The following CPM variants were observed in gnomAD, a reference collection of about 807,000 sequenced individuals.
CPM encodes carboxypeptidase M.
In CPM, 35 loss-of-function variants were observed where a neutral mutation model predicts 46.4. The ratio of observed to expected loss-of-function variants is 0.75; its 90% confidence interval spans 0.58 to 1.00. CPM has a LOEUF of 1.00. Ranked by LOEUF, CPM falls within the 50% of genes least tolerant of loss-of-function variation. The probability of loss-of-function intolerance (pLI) is 0.00; values close to 1 mark genes in which losing one functional copy is unlikely to be tolerated. For missense variants in CPM, 422 were observed against 530.4 expected (o/e 0.80, Z 2.01); for synonymous variants, 195 against 195.3 (o/e 1.00, Z 0.01).
chr12:68,910,778 A>C (rs1887563041), intron 2 of CPM, among the ~76,000 whole-genome samples: 1 of 152,172 alleles, frequency 6.6e-6, no homozygotes. Context: ...CTACAAATAC[A>C]ATGCTGTATA....
At chr12:68,914,197 G>A (rs756035210) in intron 2 of CPM, among the ~76,000 whole-genome samples, 13 of 152,310 alleles carry the variant, frequency 8.5e-5, no homozygotes, top group Middle Eastern at 3.4e-3. Flanking sequence ...TTCAAAGTGG[G>A]ATAGCTAGTG....
At chr12:68,893,069 G>C (rs1227692354) in intron 2 of CPM, among the ~76,000 whole-genome samples, 4 of 149,854 alleles carry the variant, frequency 2.7e-5, no homozygotes, top group Non-Finnish European at 5.9e-5. Flanking sequence ...AACCACCATG[G>C]CACATGTATA....
At chr12:68,926,186 G>T (rs998643480) in intron 2 of CPM, among the ~76,000 whole-genome samples, 3 of 152,094 alleles carry the variant, frequency 2.0e-5, no homozygotes, top group African/African-American at 7.2e-5. Context: ...CCAAAGTGCT[G>T]GGATTACAGG....
chr12:68,927,825 C>T (rs1306574957), intron 2 of CPM, among the ~76,000 whole-genome samples: 2 of 152,048 alleles, frequency 1.3e-5, no homozygotes, highest in Non-Finnish European at 2.9e-5. Flanking sequence ...ACATGAAGGG[C>T]CTCTTCAAGG....
chr12:68,944,841 C>T (rs757068479), intron 1 of CPM, among the ~76,000 whole-genome samples: 1 of 151,610 alleles, frequency 6.6e-6, no homozygotes, highest in Non-Finnish European at 1.5e-5. Context: ...GTTTGGTGGG[C>T]GGGGACTAGG....
At chr12:68,919,818 C>T (rs778336602) in intron 2 of CPM, among the ~76,000 whole-genome samples, 10 of 152,220 alleles carry the variant, frequency 6.6e-5, no homozygotes, top group Admixed American at 2.0e-4. Flanking sequence ...GAAAAAATTA[C>T]GTGTCTGCCC....
intron 2 of CPM, among the ~76,000 whole-genome samples, chr12:68,917,729 A>G (rs1484100081): frequency 1.3e-5 from 2 of 152,204 alleles, no homozygotes; most frequent in Non-Finnish European, 2.9e-5. Context: ...TAAAGTTGAC[A>G]TGAAGATTCC....
At chr12:68,908,744 C>G (rs1887456455) in intron 2 of CPM, among the ~76,000 whole-genome samples, 1 of 151,568 alleles carries the variant, frequency 6.6e-6, no homozygotes, top group Non-Finnish European at 1.5e-5. Flanking sequence ...AGGCATGGAA[C>G]ATAAAAGCAT....
chr12:68,921,882 T>C (rs913981541), intron 2 of CPM, among the ~76,000 whole-genome samples: 2 of 152,180 alleles, frequency 1.3e-5, no homozygotes, highest in African/African-American at 4.8e-5. Context: ...AAAATGTACA[T>C]CCTATATACT....
At chr12:68,914,082 G>C (rs1294198952) in intron 2 of CPM, 3 of 595,504 alleles carry the variant, frequency 5.0e-6, no homozygotes, top group African/African-American at 3.7e-5. Flanking sequence ...TGGAATCTGG[G>C]TAATTACAAA....
At chr12:68,851,170 C>T (rs1299687360), downstream of CPM, 1 of 152,418 alleles carries the variant, frequency 6.6e-6, no homozygotes, top group East Asian at 1.9e-4. Context: ...GGGAAAAAAG[C>T]ATTATTTATA....
chr12:68,960,581 A>G (rs1164286201), intron 1 of CPM, among the ~76,000 whole-genome samples: 1 of 152,244 alleles, frequency 6.6e-6, no homozygotes, highest in Non-Finnish European at 1.5e-5. Flanking sequence ...TGCTGAGCCT[A>G]GAACATCATA....
At chr12:68,869,263 A>C (rs1885585752) in intron 6 of CPM, 62 bp downstream of exon 6, 1 of 1,525,246 alleles carries the variant, frequency 6.6e-7, no homozygotes, top group Admixed American at 2.0e-5. Flanking sequence ...GATCAAAATA[A>C]ACCAGCTGGC....
At chr12:68,928,499 C>A (rs534007494) in intron 2 of CPM, among the ~76,000 whole-genome samples, 1 of 152,174 alleles carries the variant, frequency 6.6e-6, no homozygotes, top group Non-Finnish European at 1.5e-5. Context: ...AGTTAATTAA[C>A]CTCTCTGTGC....
At chr12:68,937,845 C>T (rs1234084850), upstream of CPM, among the ~76,000 whole-genome samples, 1 of 152,110 alleles carries the variant, frequency 6.6e-6, no homozygotes, top group Admixed American at 6.5e-5. Flanking sequence ...ACAATGAAGG[C>T]ATTTTAATTT....
chr12:68,856,812 C>T (rs923387953), intron 8 of CPM, 133 bp from the exon 9 acceptor site: 2 of 1,202,244 alleles, frequency 1.7e-6, no homozygotes, highest in Non-Finnish European at 2.3e-6. Flanking sequence ...ACCTCTGGGC[C>T]AGCAACAGAT....
chr12:68,850,495 T>A (rs1025330489), downstream of CPM: 5 of 152,180 alleles, frequency 3.3e-5, no homozygotes, highest in African/African-American at 7.2e-5. Flanking sequence ...TTTAAACTAT[T>A]ATTTGTTTAG....
chr12:68,850,561 C>T (rs1241349861), downstream of CPM: 1 of 152,132 alleles, frequency 6.6e-6, no homozygotes, highest in African/African-American at 2.4e-5. Flanking sequence ...ATGACTAAGT[C>T]GATATTAGCA....
At position 68,853,400 on chromosome 12, in the gene CPM, T is replaced by G. The variant is rs538914320; in HGVS notation, c.*3037A>C. 5 of 152,084 alleles carry G rather than the reference T, an allele frequency of 3.3e-5. No individual in the cohort carries two copies. Among genetic ancestry groups the G allele is most frequent in the Non-Finnish European group, 5.9e-5 (4 of 67,962 alleles). The allele number at this position is 152,084 out of a possible 1,614,324, so 9.4% of individuals were successfully genotyped here. On this transcript the variant is annotated 3_prime_UTR_variant, in exon 9 of 9. Transcript: ENST00000551568. ...ATCAAGATATTCAGATTATTATGAG[T>G]TTTTTTTGGTTATCATCTATTGCTG...
Sources: allele counts gnomAD v4.1 joint callset (sites outside exome capture counted in the v4.1 genomes callset), GRCh38; gene constraint gnomAD v4.1.1; transcripts MANE v1.5; gene names NCBI Gene and HGNC (gene_info 2026-07-23, HGNC 2026-07-21).